The following SPAG16 variants were observed in gnomAD, a reference collection of about 807,000 sequenced individuals.
The protein encoded by SPAG16 is sperm-associated antigen 16 protein.
A neutral mutation model predicts 80.4 loss-of-function variants in SPAG16; 86 were observed. The observed-to-expected ratio is 1.07, with a 90% confidence interval of 0.90 to 1.28. The LOEUF is 1.28. Among genes scored for constraint, SPAG16 ranks in the 50% most tolerant of loss-of-function variants. The probability of loss-of-function intolerance (pLI) is 0.00; values close to 1 mark genes in which losing one functional copy is unlikely to be tolerated. For synonymous variants in SPAG16, 294 were observed against 265.9 expected (o/e 1.11, Z -1.03); for missense variants, 870 against 765.3 (o/e 1.14, Z -1.61).
At chr2:214,185,274 AC>A (rs1312153272) in intron 15 of SPAG16, among the ~76,000 whole-genome samples, 1 of 152,048 alleles carries the variant, frequency 6.6e-6, no homozygotes, top group East Asian at 1.9e-4. Flanking sequence ...ATAAAATGAG[AC>A]ATTTTATGTA....
intron 9 of SPAG16, among the ~76,000 whole-genome samples, chr2:213,478,244 G>A (rs989109693): frequency 1.3e-5 from 2 of 152,080 alleles, no homozygotes; most frequent in African/African-American, 4.8e-5. Flanking sequence ...CTAATACAGG[G>A]TTGTATATCA....
chr2:213,961,089 G>T (rs1024667164), intron 12 of SPAG16, among the ~76,000 whole-genome samples: 3 of 152,148 alleles, frequency 2.0e-5, no homozygotes, highest in Admixed American at 6.5e-5. Context: ...AAAATTAAGT[G>T]CAGTTTATTA....
chr2:213,512,905 G>A (rs1449956552), intron 10 of SPAG16, among the ~76,000 whole-genome samples: 5 of 151,752 alleles, frequency 3.3e-5, no homozygotes, highest in Non-Finnish European at 7.4e-5. Flanking sequence ...CCAAACTGCT[G>A]CTGGTAATTC....
At chr2:214,234,745 G>C (rs767377386) in intron 15 of SPAG16, among the ~76,000 whole-genome samples, 2 of 151,698 alleles carry the variant, frequency 1.3e-5, no homozygotes, top group Admixed American at 6.6e-5. Context: ...TTTTTTTCTT[G>C]TAAATTTTCA....
chr2:213,506,563 T>G (rs1030960917), intron 10 of SPAG16, among the ~76,000 whole-genome samples: 1 of 152,306 alleles, frequency 6.6e-6, no homozygotes, highest in Admixed American at 6.5e-5. Context: ...CTTCCTCATC[T>G]TATCTCGAAC....
At chr2:213,588,177 T>G (rs953490148) in intron 10 of SPAG16, among the ~76,000 whole-genome samples, 2 of 152,132 alleles carry the variant, frequency 1.3e-5, no homozygotes, top group African/African-American at 4.8e-5. Flanking sequence ...TGAAAGGGAT[T>G]TTTTTCTTTA....
intron 12 of SPAG16, among the ~76,000 whole-genome samples, chr2:213,950,830 T>G (rs116778775): frequency 6.6e-6 from 1 of 150,688 alleles, no homozygotes. Flanking sequence ...CATATTAACC[T>G]TCTGAGTAGC....
chr2:214,258,471 G>GTGTATA (rs1553539128), intron 15 of SPAG16, among the ~76,000 whole-genome samples: 161 of 141,444 alleles, frequency 1.1e-3, no homozygotes, highest in Middle Eastern at 3.8e-3. Context: ...ATGTGTGTGT[G>GTGTATA]TATATATATA....
chr2:213,749,525 C>T (rs777046781), intron 10 of SPAG16, among the ~76,000 whole-genome samples: 24 of 152,122 alleles, frequency 1.6e-4, no homozygotes, highest in African/African-American at 3.9e-4. Flanking sequence ...AGAAAAGCTA[C>T]GTTAAATCTC....
intron 15 of SPAG16, among the ~76,000 whole-genome samples, chr2:214,301,486 A>G (rs1694550837): frequency 6.6e-6 from 1 of 152,112 alleles, no homozygotes; most frequent in Non-Finnish European, 1.5e-5. Flanking sequence ...GGCAAGAGAA[A>G]GAAAGTAAAG....
chr2:214,185,198 A>G (rs1381136600), intron 15 of SPAG16, among the ~76,000 whole-genome samples: 1 of 152,044 alleles, frequency 6.6e-6, no homozygotes, highest in Non-Finnish European at 1.5e-5. Flanking sequence ...GTAATCTAAC[A>G]TAGACAATTC....
chr2:213,680,387 T>G (rs886378577), intron 10 of SPAG16, among the ~76,000 whole-genome samples: 6 of 151,214 alleles, frequency 4.0e-5, no homozygotes, highest in Non-Finnish European at 5.9e-5. Flanking sequence ...TCAAAATGAC[T>G]CCTGTGTTGT....
At chr2:214,021,868 G>C (rs1178553364) in intron 13 of SPAG16, among the ~76,000 whole-genome samples, 3 of 152,052 alleles carry the variant, frequency 2.0e-5, no homozygotes, top group Non-Finnish European at 4.4e-5. Flanking sequence ...TCCTAACCGT[G>C]TGAAGTTAAC....
rs191590867 is a variant in SPAG16 at position 214,112,387 on chromosome 2, A to G, written c.1593+4126A>G. On this transcript the variant is annotated intron_variant, in intron 14 of 15. Coordinates refer to ENST00000331683, the MANE Select transcript of SPAG16 (RefSeq NM_024532.5). ...TCCTTGTTAACCTTCTGTCTCATTG[A>G]TCTGTCTAATATTGACAGTGGGGTG... is the stretch of plus-strand genomic sequence containing the variant. 8.5e-5 allele frequency among the ~76,000 whole-genome samples: 13 copies of G among 152,186 alleles called. No homozygotes were observed. The East Asian group carries it at 2.5e-3, about 29-fold the overall frequency.
intron 9 of SPAG16, among the ~76,000 whole-genome samples, chr2:213,411,517 T>C (rs1040048097): frequency 6.6e-6 from 1 of 152,144 alleles, no homozygotes; most frequent in Non-Finnish European, 1.5e-5. Flanking sequence ...AAAGAGGAGT[T>C]TGCGTCATGA....
At chr2:213,911,014 T>C (rs1444235300) in intron 11 of SPAG16, among the ~76,000 whole-genome samples, 1 of 152,222 alleles carries the variant, frequency 6.6e-6, no homozygotes, top group Non-Finnish European at 1.5e-5. Flanking sequence ...GTAAGAACTA[T>C]TGAGTCCTCC....
chr2:214,298,413 C>T (rs1281071750), intron 15 of SPAG16, among the ~76,000 whole-genome samples: 1 of 152,048 alleles, frequency 6.6e-6, no homozygotes, highest in Non-Finnish European at 1.5e-5. Flanking sequence ...ATGAAATTAT[C>T]AGAACGTAGA....
At chr2:214,328,326 T>G (rs1482480372) in intron 15 of SPAG16, among the ~76,000 whole-genome samples, 1 of 151,942 alleles carries the variant, frequency 6.6e-6, no homozygotes, top group African/African-American at 2.4e-5. Context: ...CAGCTAATCT[T>G]TTGTGTATGT....
intron 15 of SPAG16, among the ~76,000 whole-genome samples, chr2:214,236,089 C>A (rs966054693): frequency 1.2e-4 from 18 of 152,136 alleles, no homozygotes; most frequent in African/African-American, 4.3e-4. Context: ...ACTTTGATAA[C>A]TAGGGCCTAC....
Sources: gnomAD v4.1 joint callset for allele counts (sites outside exome capture counted in the v4.1 genomes callset) on GRCh38, gnomAD v4.1.1 for gene constraint, MANE v1.5 for transcripts, NCBI Gene and HGNC (gene_info 2026-07-23, HGNC 2026-07-21) for gene names.